MSRB3: variants seen among roughly 807,000 people sequenced by gnomAD.
The protein encoded by MSRB3 is methionine-R-sulfoxide reductase B3.
Under a neutral mutation model 21.0 loss-of-function variants are expected in MSRB3, and 13 were observed. That is an observed-to-expected ratio of 0.62 (90% CI 0.40 to 0.98). The LOEUF is 0.98. Ranked by LOEUF, MSRB3 falls within the 50% of genes least tolerant of loss-of-function variation. MSRB3 has a pLI of 0.00. For synonymous variants in MSRB3, 87 were observed against 88.6 expected, an observed-to-expected ratio of 0.98 and a Z score of 0.10; for missense variants, 199 against 230.3, an observed-to-expected ratio of 0.86 and a Z score of 0.88.
At chr12:65,404,703 C>G (rs1880315011) in intron 5 of MSRB3, among the ~76,000 whole-genome samples, 1 of 152,116 alleles carries the variant, frequency 6.6e-6, no homozygotes, top group Admixed American at 6.6e-5. Flanking sequence ...AATATGTATA[C>G]ATTGTGGAAT....
chr12:65,449,286 C>A (rs760027112), intron 5 of MSRB3, among the ~76,000 whole-genome samples: 4 of 151,754 alleles, frequency 2.6e-5, no homozygotes, highest in Admixed American at 6.6e-5. Flanking sequence ...ATCCACCCCC[C>A]CAGAGTGAAT....
intron 6 of MSRB3, among the ~76,000 whole-genome samples, chr12:65,459,506 A>G (rs1351342584): frequency 1.3e-5 from 2 of 152,200 alleles, no homozygotes; most frequent in African/African-American, 4.8e-5. Flanking sequence ...TAATATCACA[A>G]GCACAGAGGA....
At chr12:65,406,823 T>G (rs1880439083) in intron 5 of MSRB3, among the ~76,000 whole-genome samples, 1 of 152,192 alleles carries the variant, frequency 6.6e-6, no homozygotes, top group African/African-American at 2.4e-5. Context: ...GATTAATGCC[T>G]TATACAAGAA....
chr12:65,323,414 G>A (rs1393044205), intron 2 of MSRB3, among the ~76,000 whole-genome samples: 1 of 152,298 alleles, frequency 6.6e-6, no homozygotes, highest in East Asian at 1.9e-4. Context: ...TGTAAGGAAC[G>A]GTGTTATGAT....
chr12:65,278,785 C>T lies in MSRB3; in HGVS notation c.-132C>T, dbSNP rs755325581. ...GGCCTTTCCATGAGCCCGCGGCGGA[C>T]CCTCCCGCGCCCCCTCTCGCTCTGC... is the stretch of plus-strand genomic sequence containing the variant. On this transcript the variant is annotated 5_prime_UTR_variant, in exon 1 of 7. Coordinates refer to ENST00000308259, the MANE Select transcript of MSRB3 (RefSeq NM_001031679.3). 4.4e-6 allele frequency: 7 copies of T among 1,573,694 alleles called. No individual in the cohort carries two copies. The highest frequency in any genetic ancestry group is 5.2e-6 in the Non-Finnish European group (6 of 1,160,592).
rs533623929 is a variant in MSRB3 at position 65,334,952 on chromosome 12, A to T, written c.263+6349A>T. Among the ~76,000 whole-genome samples, 6 of 152,236 alleles carry T rather than the reference A, an allele frequency of 3.9e-5. No homozygotes were observed. In the South Asian group the frequency reaches 1.2e-3, roughly 32 times the overall value. On this transcript the variant is annotated intron_variant, in intron 4 of 6. Transcript: ENST00000308259. Reference sequence around the variant, plus strand: ...TCCTCTCTCTACATTTTTTGAGAAGATTGATGCCAACTGACACGAACTATT... The same window carrying T: ...TCCTCTCTCTACATTTTTTGAGAAGTTTGATGCCAACTGACACGAACTATT...
intron 5 of MSRB3, among the ~76,000 whole-genome samples, chr12:65,372,161 C>G (rs1396079059): frequency 1.3e-5 from 2 of 152,136 alleles, no homozygotes; most frequent in Non-Finnish European, 2.9e-5. Context: ...GAGTGACATA[C>G]ACGTCATTGT....
chr12:65,388,195 G>T (rs1211919058), intron 5 of MSRB3, among the ~76,000 whole-genome samples: 1 of 152,172 alleles, frequency 6.6e-6, no homozygotes, highest in African/African-American at 2.4e-5. Context: ...TGTATATTTA[G>T]GAAGGGTCTC....
intron 4 of MSRB3, among the ~76,000 whole-genome samples, chr12:65,349,080 C>A (rs1382923734): frequency 6.6e-6 from 1 of 151,940 alleles, no homozygotes; most frequent in African/African-American, 2.4e-5. Context: ...CACCACAGTC[C>A]CCAGAGTGTG....
intron 4 of MSRB3, among the ~76,000 whole-genome samples, chr12:65,351,849 A>G (rs538664047): frequency 1.3e-5 from 2 of 152,286 alleles, no homozygotes; most frequent in South Asian, 2.1e-4. Context: ...AGAGTCCAGG[A>G]CCACATGGAT....
chr12:65,315,146 C>T (rs1387960259), intron 2 of MSRB3, among the ~76,000 whole-genome samples: 1 of 152,174 alleles, frequency 6.6e-6, no homozygotes, highest in Non-Finnish European at 1.5e-5. Context: ...TTTCTCATAA[C>T]TGCTTCTGCT....
At chr12:65,367,143 G>C (rs1878057329) in intron 4 of MSRB3, among the ~76,000 whole-genome samples, 1 of 152,192 alleles carries the variant, frequency 6.6e-6, no homozygotes, top group Non-Finnish European at 1.5e-5. Context: ...CGAATATGTT[G>C]GGAGATTAGG....
chr12:65,378,313 G>T (rs893589702), intron 5 of MSRB3, among the ~76,000 whole-genome samples: 52 of 152,270 alleles, frequency 3.4e-4, no homozygotes, highest in African/African-American at 1.2e-3. Context: ...AAGCCTATCA[G>T]CTACATATTA....
chr12:65,453,887 A>G, intron 6 of MSRB3, 62 bp downstream of exon 6: 1 of 1,377,200 alleles, frequency 7.3e-7, no homozygotes, highest in South Asian at 1.2e-5. Flanking sequence ...TGTGCTAAAT[A>G]TAGCAACTAA....
intron 1 of MSRB3, among the ~76,000 whole-genome samples, chr12:65,304,018 A>G (rs182831051): frequency 1.3e-5 from 2 of 152,248 alleles, no homozygotes; most frequent in East Asian, 3.9e-4. Flanking sequence ...GTAGAACTTT[A>G]GATACTTTAG....
In MSRB3 at chr12:65,326,847, A is replaced by G. The variant is rs1457953365; in HGVS notation, c.98A>G (p.Asn33Ser). The G allele has an allele frequency of 6.2e-7, 1 of 1,610,876 alleles. No individual in the cohort carries two copies. Among genetic ancestry groups the G allele is most frequent in the Admixed American group, 1.7e-5 (1 of 59,858 alleles). ...LPSGSCRDKK[N>S]CKVVFSQQEL... The stretch of plus-strand genomic sequence containing the variant: ...TCAGGGTCGTGTAGGGATAAAAAGA[A>G]CTGTAAGGTGGTCTTTTCCCAGCAG... Residue 33 changes from asparagine to serine, a missense_variant, in exon 3 of 7, where the codon AAC (asparagine) becomes AGC (serine). By Grantham distance (46) the Asn-to-Ser change is conservative. Transcript: ENST00000308259.
intron 4 of MSRB3, among the ~76,000 whole-genome samples, chr12:65,343,120 C>T (rs1225406306): frequency 2.6e-5 from 4 of 152,176 alleles, no homozygotes; most frequent in African/African-American, 7.2e-5. Flanking sequence ...CACATCATCT[C>T]TCTATGACAA....
chr12:65,404,864 T>G (rs1880323944), intron 5 of MSRB3, among the ~76,000 whole-genome samples: 1 of 152,218 alleles, frequency 6.6e-6, no homozygotes, highest in Admixed American at 6.5e-5. Context: ...ACTTGTTATT[T>G]CTGTATAACT....
intron 1 of MSRB3, among the ~76,000 whole-genome samples, chr12:65,296,563 G>A (rs908482510): frequency 6.6e-6 from 1 of 152,162 alleles, no homozygotes; most frequent in African/African-American, 2.4e-5. Context: ...AAATATATCA[G>A]CTGGTTAGGT....
Sources: allele counts gnomAD v4.1 joint callset (sites outside exome capture counted in the v4.1 genomes callset), GRCh38; gene constraint gnomAD v4.1.1; transcripts MANE v1.5; gene names NCBI Gene and HGNC (gene_info 2026-07-23, HGNC 2026-07-21).